The following PRKCE variants were observed in gnomAD, a reference collection of about 807,000 sequenced individuals.
PRKCE encodes the protein protein kinase C epsilon type.
In PRKCE, 16 loss-of-function variants were observed where a neutral mutation model predicts 85.4. The ratio of observed to expected loss-of-function variants is 0.19; its 90% CI spans 0.13 to 0.28. The LOEUF (loss-of-function observed/expected upper bound fraction) is 0.28, where lower values mean the gene tolerates loss of function less well. Ranked by LOEUF, PRKCE falls within the 10% of genes least tolerant of loss-of-function variation. The pLI, the probability that PRKCE is intolerant of heterozygous loss-of-function variation, is 1.00. For missense variants in PRKCE, 573 were observed against 975.2 expected, an observed-to-expected ratio of 0.59 and a Z score of 5.49; for synonymous variants, 388 against 371.5, an observed-to-expected ratio of 1.04 and a Z score of -0.51.
At chr2:45,746,038 A>G (rs1180751170) in intron 1 of PRKCE, among the ~76,000 whole-genome samples, 1 of 152,230 alleles carries the variant, frequency 6.6e-6, no homozygotes, top group African/African-American at 2.4e-5. Flanking sequence ...GAAATCAGAC[A>G]GTGGAACTGA....
intron 10 of PRKCE, among the ~76,000 whole-genome samples, chr2:46,019,932 C>G (rs1274298102): frequency 6.8e-6 from 1 of 147,590 alleles, no homozygotes; most frequent in Non-Finnish European, 1.5e-5. Flanking sequence ...TCACTACAAC[C>G]TCTGCCTCCC....
chr2:45,845,182 T>C (rs1691679924), intron 2 of PRKCE, among the ~76,000 whole-genome samples: 2 of 151,998 alleles, frequency 1.3e-5, no homozygotes, highest in African/African-American at 4.8e-5. Flanking sequence ...TATACACATC[T>C]GTTCTCCCAG....
chr2:45,863,413 G>T (rs1693328030), intron 2 of PRKCE, among the ~76,000 whole-genome samples: 1 of 152,068 alleles, frequency 6.6e-6, no homozygotes, highest in Non-Finnish European at 1.5e-5. Context: ...CACTTGCAAA[G>T]TCCCAAAGGC....
chr2:45,743,534 C>T (rs1039180851), intron 1 of PRKCE, among the ~76,000 whole-genome samples: 6 of 151,870 alleles, frequency 4.0e-5, no homozygotes, highest in Middle Eastern at 3.4e-3. Flanking sequence ...GAAGTTGCTC[C>T]GGAGAAAGGA....
At chr2:45,888,925 G>A (rs545426970) in intron 2 of PRKCE, among the ~76,000 whole-genome samples, 4 of 152,302 alleles carry the variant, frequency 2.6e-5, no homozygotes, top group African/African-American at 9.6e-5. Flanking sequence ...AAAGTGGGGA[G>A]ACCTTGACCA....
chr2:46,029,160 C>T (rs567488751), intron 10 of PRKCE, among the ~76,000 whole-genome samples: 12 of 152,222 alleles, frequency 7.9e-5, no homozygotes, highest in African/African-American at 1.4e-4. Flanking sequence ...AAGCTCTTTA[C>T]GTATGTTGAT....
intron 11 of PRKCE, among the ~76,000 whole-genome samples, chr2:46,133,225 G>T (rs1336413831): frequency 6.6e-6 from 1 of 152,192 alleles, no homozygotes; most frequent in Non-Finnish European, 1.5e-5. Flanking sequence ...GTTACTCTTG[G>T]TCCTTTAGCT....
intron 2 of PRKCE, among the ~76,000 whole-genome samples, chr2:45,862,784 G>A (rs1693272698): frequency 6.6e-6 from 1 of 152,150 alleles, no homozygotes; most frequent in Non-Finnish European, 1.5e-5. Flanking sequence ...TATGTGTGTG[G>A]TGTGTGTACA....
intron 1 of PRKCE, among the ~76,000 whole-genome samples, chr2:45,806,365 T>C (rs1688244283): frequency 6.6e-6 from 1 of 152,222 alleles, no homozygotes; most frequent in African/African-American, 2.4e-5. Context: ...GATTGACTTC[T>C]CTTCTTTCAC....
chr2:46,053,049 G>C (rs1558398171), intron 10 of PRKCE, among the ~76,000 whole-genome samples: 1 of 152,204 alleles, frequency 6.6e-6, no homozygotes, highest in South Asian at 2.1e-4. Context: ...AAAGCTGAAG[G>C]CCAAGGGAAC....
intron 5 of PRKCE, among the ~76,000 whole-genome samples, chr2:45,983,348 C>A (rs1162189095): frequency 6.6e-6 from 1 of 152,140 alleles, no homozygotes; most frequent in Non-Finnish European, 1.5e-5. Context: ...TGCCGCATGC[C>A]AGCCACTTCC....
intron 1 of PRKCE, among the ~76,000 whole-genome samples, chr2:45,766,955 C>G (rs576996240): frequency 2.6e-5 from 4 of 151,888 alleles, no homozygotes; most frequent in Admixed American, 6.6e-5. Context: ...GCAAGAGAAT[C>G]GCTTGAACCT....
intron 10 of PRKCE, among the ~76,000 whole-genome samples, chr2:46,065,702 T>C (rs1667568300): frequency 6.6e-6 from 1 of 152,128 alleles, no homozygotes; most frequent in Admixed American, 6.5e-5. Flanking sequence ...CAGAAACATA[T>C]GGCAAAAAGG....
intron 1 of PRKCE, among the ~76,000 whole-genome samples, chr2:45,729,957 G>A (rs1283761922): frequency 6.6e-6 from 1 of 152,196 alleles, no homozygotes; most frequent in Non-Finnish European, 1.5e-5. Flanking sequence ...TGGGCATTTT[G>A]CATTTTTTAA....
At chr2:45,852,679 G>A (rs1159743497) in intron 2 of PRKCE, among the ~76,000 whole-genome samples, 1 of 152,154 alleles carries the variant, frequency 6.6e-6, no homozygotes, top group Non-Finnish European at 1.5e-5. Context: ...AACCAAGAGA[G>A]GTTTGCATAC....
intron 14 of PRKCE, among the ~76,000 whole-genome samples, chr2:46,182,629 C>G (rs1226879351): frequency 1.3e-5 from 2 of 152,156 alleles, no homozygotes; most frequent in Admixed American, 1.3e-4. Context: ...AGAGAAGACA[C>G]CAGGCAGGAC....
chr2:45,967,827 T>C (rs928833147), intron 2 of PRKCE, among the ~76,000 whole-genome samples: 1 of 152,112 alleles, frequency 6.6e-6, no homozygotes, highest in African/African-American at 2.4e-5. Flanking sequence ...CTCAGAGATA[T>C]TAAATGACTT....
intron 11 of PRKCE, among the ~76,000 whole-genome samples, chr2:46,114,649 G>C (rs1459431024): frequency 1.3e-5 from 2 of 151,044 alleles, no homozygotes; most frequent in African/African-American, 4.9e-5. Context: ...TCGATCTCCT[G>C]ACCTCGTAAT....
At chr2:46,141,411 A>G (rs1171131984) in intron 11 of PRKCE, among the ~76,000 whole-genome samples, 2 of 152,212 alleles carry the variant, frequency 1.3e-5, no homozygotes, top group Non-Finnish European at 2.9e-5. Context: ...TGAACATATA[A>G]TCATATTTTC....
Sources: allele counts gnomAD v4.1 joint callset (sites outside exome capture counted in the v4.1 genomes callset), GRCh38; gene constraint gnomAD v4.1.1; transcripts MANE v1.5; gene names NCBI Gene and HGNC (gene_info 2026-07-23, HGNC 2026-07-21).